The following TXNDC15 variants were observed in gnomAD, a reference collection of about 807,000 sequenced individuals.
The protein encoded by TXNDC15 is thioredoxin domain containing 15.
TXNDC15 carries 24 observed loss-of-function variants against 35.0 expected under a neutral mutation model. The ratio of observed to expected loss-of-function variants is 0.68; its 90% CI spans 0.50 to 0.96. TXNDC15 has a LOEUF of 0.96. Among genes scored for constraint, TXNDC15 ranks in the 40% least tolerant of loss-of-function variants. The pLI, the probability that TXNDC15 is intolerant of heterozygous loss-of-function variation, is 0.00. For missense variants in TXNDC15, 385 were observed against 453.3 expected (o/e 0.85, Z 1.37); for synonymous variants, 169 against 174.0 (o/e 0.97, Z 0.23).
In TXNDC15 at chr5:134,888,039, G is replaced by C; in HGVS notation, c.448G>C (p.Glu150Gln). The C allele has an allele frequency of 6.2e-7, 1 of 1,614,216 alleles. No individual in the cohort carries two copies. The highest frequency in any genetic ancestry group is 8.5e-7 in the Non-Finnish European group (1 of 1,180,038). The change falls in exon 2 of 5, where the codon GAG (glutamate) becomes CAG (glutamine). Residue 150 changes from glutamate to glutamine, a missense_variant. Physicochemically the swap from Glu to Gln is conservative, Grantham distance 29. Coordinates refer to ENST00000358387, the MANE Select transcript of TXNDC15 (RefSeq NM_024715.4). ...FPDREEEYYT[E>Q]PEVAESDAAP... ...TGACAGAGAAGAGGAGTATTACACA[G>C]AGCCAGAAGTGGCGGAATCTGACGC... is the stretch of plus-strand genomic sequence containing the variant.
chr5:134,879,770 T>C (rs1246066944), intron 1 of TXNDC15, among the ~76,000 whole-genome samples: 4 of 150,986 alleles, frequency 2.6e-5, no homozygotes. Flanking sequence ...TAACCTCCAT[T>C]GCCACCTCTC....
chr5:134,883,565 G>C (rs1750205841), intron 1 of TXNDC15, among the ~76,000 whole-genome samples: 1 of 142,668 alleles, frequency 7.0e-6, no homozygotes, highest in African/African-American at 2.7e-5. Context: ...TCCAGCCTGG[G>C]TGACAGAGCG....
In TXNDC15 at chr5:134,896,317, T is replaced by C; in HGVS notation, c.779T>C (p.Val260Ala). 6.2e-7 allele frequency: 1 copy of C among 1,613,888 alleles called. No homozygotes were observed. The highest frequency in any genetic ancestry group is 8.5e-7 in the Non-Finnish European group (1 of 1,179,932). ...HSSLSTRFGTVAVPNILLFQG... is the reference protein window; with the variant it reads ...HSSLSTRFGTAAVPNILLFQG... ...AGCCTTTCTACCAGGTTTGGCACCG[T>C]AGCTGTTCCTAATATTTTATTATTT... Residue 260 changes from valine (V) to alanine (A), a missense_variant, in exon 4 of 5, where the codon GTA becomes GCA. Coordinates refer to ENST00000358387, the MANE Select transcript of TXNDC15 (RefSeq NM_024715.4).
intron 2 of TXNDC15, among the ~76,000 whole-genome samples, chr5:134,890,347 T>TTTTTCTTTTC (rs374295927): frequency 4.6e-5 from 7 of 151,730 alleles, no homozygotes; most frequent in Non-Finnish European, 8.8e-5. Context: ...TCGTTTCGTT[T>TTTTTCTTTTC]TTTTCTTTTC....
At chr5:134,897,859 A>G (rs1750525854) in intron 4 of TXNDC15, among the ~76,000 whole-genome samples, 1 of 151,968 alleles carries the variant, frequency 6.6e-6, no homozygotes, top group Admixed American at 6.6e-5. Context: ...AAATACAAAA[A>G]CTAGCTGGGG....
chr5:134,883,974 T>G (rs1200698143), intron 1 of TXNDC15, among the ~76,000 whole-genome samples: 3 of 150,668 alleles, frequency 2.0e-5, no homozygotes, highest in Non-Finnish European at 4.4e-5. Flanking sequence ...ATCCCAGCAT[T>G]TTGGGATGCC....
At chr5:134,876,728 A>T (rs941016701) in intron 1 of TXNDC15, among the ~76,000 whole-genome samples, 11 of 140,876 alleles carry the variant, frequency 7.8e-5, no homozygotes, top group Non-Finnish European at 1.5e-4. Context: ...TGAAAATCTG[A>T]GGTGTTTTTT....
intron 1 of TXNDC15, among the ~76,000 whole-genome samples, chr5:134,881,892 C>T (rs1357496784): frequency 1.1e-4 from 17 of 149,918 alleles, no homozygotes; most frequent in African/African-American, 3.7e-4. Context: ...TAGGGGCGGC[C>T]GGGCAGAGGC....
chr5:134,874,790 G>A (rs113872761), intron 1 of TXNDC15, among the ~76,000 whole-genome samples: 2 of 152,386 alleles, frequency 1.3e-5, no homozygotes, highest in African/African-American at 4.8e-5. Flanking sequence ...GTGGCTGGTA[G>A]CCAGGAGGGA....
intron 3 of TXNDC15, among the ~76,000 whole-genome samples, chr5:134,895,437 C>G (rs947306612): frequency 3.9e-5 from 6 of 152,146 alleles, no homozygotes; most frequent in African/African-American, 1.4e-4. Context: ...TCACACTGTC[C>G]CTCCTGCCTC....
intron 3 of TXNDC15, 97 bp from the exon 4 acceptor site, chr5:134,896,197 C>A: frequency 7.0e-7 from 1 of 1,433,354 alleles, no homozygotes; most frequent in Non-Finnish European, 9.4e-7. Context: ...TCACACGCAA[C>A]TTCCTCATTT....
In TXNDC15 at chr5:134,874,538, T is replaced by G; in HGVS notation, c.103+8T>G. On this transcript the variant is annotated splice_region_variant and intron_variant, in intron 1 of 4. Coordinates refer to ENST00000358387, the MANE Select transcript of TXNDC15 (RefSeq NM_024715.4). Reference sequence around the variant, plus strand: ...CCGTCCGCGGCGTGGAGGGTGAGTGTGGGCCGGGGGCGGTGCATGAGATGA... The same window carrying G: ...CCGTCCGCGGCGTGGAGGGTGAGTGGGGGCCGGGGGCGGTGCATGAGATGA... 1 of 1,594,744 alleles carries G rather than the reference T, an allele frequency of 6.3e-7. No homozygotes were observed. Among genetic ancestry groups the G allele is most frequent in the Non-Finnish European group, 8.5e-7 (1 of 1,174,724 alleles).
At chr5:134,874,830 C>G (rs551513623) in intron 1 of TXNDC15, among the ~76,000 whole-genome samples, 1 of 152,272 alleles carries the variant, frequency 6.6e-6, no homozygotes, top group Non-Finnish European at 1.5e-5. Flanking sequence ...GAGGCATACC[C>G]TCTGGTGATA....
chr5:134,876,732 GT>G (rs532547885), intron 1 of TXNDC15, among the ~76,000 whole-genome samples: 4,528 of 130,988 alleles, frequency 0.035, 81 homozygotes, highest in African/African-American at 0.058. Context: ...AATCTGAGGT[GT>G]TTTTTTTTTT....
At chr5:134,893,218 A>G in intron 2 of TXNDC15, 2 of 326,834 alleles carry the variant, frequency 6.1e-6, no homozygotes, top group Non-Finnish European at 1.1e-5. Context: ...AACTTGTAAT[A>G]TTAGGAAAGC....
At chr5:134,892,475 T>C (rs1250224882) in intron 2 of TXNDC15, 1 of 152,244 alleles carries the variant, frequency 6.6e-6, no homozygotes, top group Non-Finnish European at 1.5e-5. Context: ...TTCTTATCAT[T>C]TGCATATTCA....
At chr5:134,893,856 GA>G (rs1750438114) in intron 3 of TXNDC15, among the ~76,000 whole-genome samples, 1 of 152,178 alleles carries the variant, frequency 6.6e-6, no homozygotes. Context: ...GCCCCTTAAA[GA>G]AAGTGGGCTG....
At position 134,887,939 on chromosome 5, in the gene TXNDC15, T is replaced by C; in HGVS notation, c.348T>C (p.Ala116=). 3 of 1,614,230 alleles carry C rather than the reference T, an allele frequency of 1.9e-6. No homozygotes were observed. The highest frequency in any genetic ancestry group is 1.3e-5 in the African/African-American group (1 of 75,066). Residue 116 remains alanine, a synonymous_variant, in exon 2 of 5, where the codon GCT becomes GCC. Transcript: ENST00000358387. ...SSEPSGVTCG[A]GGAEDSRCNV... is the part of the protein sequence containing the mutation. ...AGCCTAGCGGCGTCACCTGTGGTGC[T>C]GGAGGAGCGGAGGACTCAAGGTGCA...
chr5:134,880,561 C>G (rs965821892), intron 1 of TXNDC15, among the ~76,000 whole-genome samples: 2 of 151,864 alleles, frequency 1.3e-5, no homozygotes, highest in African/African-American at 4.8e-5. Context: ...CTCGGCCTCC[C>G]GAGCAGCTGG....
Sources: allele counts gnomAD v4.1 joint callset (sites outside exome capture counted in the v4.1 genomes callset), GRCh38; gene constraint gnomAD v4.1.1; transcripts MANE v1.5; gene names NCBI Gene and HGNC (gene_info 2026-07-23, HGNC 2026-07-21).